The following MYO3B variants were observed in gnomAD, a reference collection of about 807,000 sequenced individuals.
The protein encoded by MYO3B is myosin IIIB.
A neutral mutation model predicts 174.6 loss-of-function variants in MYO3B; 156 were observed. That is an observed-to-expected ratio of 0.89 (90% confidence interval 0.78 to 1.02). The LOEUF (loss-of-function observed/expected upper bound fraction) is 1.02. Among genes scored for constraint, MYO3B ranks in the 50% least tolerant of loss-of-function variants. The pLI is 0.00. For missense variants in MYO3B, 1,632 were observed against 1,639.4 expected (o/e 1.00, Z 0.08); for synonymous variants, 563 against 569.1 (o/e 0.99, Z 0.15).
intron 32 of MYO3B, among the ~76,000 whole-genome samples, chr2:170,580,758 G>GTGTA (rs1693093469): frequency 1.3e-5 from 2 of 150,460 alleles, no homozygotes; most frequent in African/African-American, 4.9e-5. Flanking sequence ...GTGTGTGTGT[G>GTGTA]TATGAAAGCG....
intron 8 of MYO3B, among the ~76,000 whole-genome samples, chr2:170,353,053 T>G (rs2094089351): frequency 6.6e-6 from 1 of 152,240 alleles, no homozygotes; most frequent in African/African-American, 2.4e-5. Context: ...TCGCCCTTTT[T>G]AATATTTACC....
intron 22 of MYO3B, among the ~76,000 whole-genome samples, chr2:170,431,962 G>A (rs2094712707): frequency 6.6e-6 from 1 of 152,208 alleles, no homozygotes; most frequent in Non-Finnish European, 1.5e-5. Flanking sequence ...CCTTTGCAAT[G>A]CATTACTCAG....
At chr2:170,259,656 C>G (rs1205543646) in intron 7 of MYO3B, among the ~76,000 whole-genome samples, 1 of 152,238 alleles carries the variant, frequency 6.6e-6, no homozygotes, top group Non-Finnish European at 1.5e-5. Context: ...GAATTTATGA[C>G]AAAGTCCTCA....
At chr2:170,208,630 G>C (rs1260997931) in intron 3 of MYO3B, among the ~76,000 whole-genome samples, 1 of 152,032 alleles carries the variant, frequency 6.6e-6, no homozygotes, top group Non-Finnish European at 1.5e-5. Flanking sequence ...TAGTCTAAAG[G>C]GTAGGCAAAA....
chr2:170,614,786 A>G (rs954943706), intron 32 of MYO3B, among the ~76,000 whole-genome samples: 11 of 152,164 alleles, frequency 7.2e-5, no homozygotes, highest in Non-Finnish European at 1.2e-4. Flanking sequence ...CCTGACTCTC[A>G]GAGAATTCAC....
intron 28 of MYO3B, among the ~76,000 whole-genome samples, chr2:170,507,157 C>T (rs1162973283): frequency 6.6e-6 from 1 of 152,176 alleles, no homozygotes; most frequent in Admixed American, 6.5e-5. Flanking sequence ...TCCACATATC[C>T]ACAGAATAGC....
Position 170,181,835 on chromosome 2 carries a change from A to G in MYO3B, c.2+3546A>G, listed in dbSNP as rs114621909. Reference sequence around the variant, plus strand: ...GGTAGATTTTGACTAATAATTCCTCACAAAGATTGTTTACGCTTTCGCTCA... The same window carrying G: ...GGTAGATTTTGACTAATAATTCCTCGCAAAGATTGTTTACGCTTTCGCTCA... On this transcript the variant is annotated intron_variant, in intron 1 of 34. Coordinates refer to ENST00000408978, the MANE Select transcript of MYO3B (RefSeq NM_138995.5). Among the ~76,000 whole-genome samples, 469 of 152,260 alleles carry G rather than the reference A, an allele frequency of 3.1e-3. 2 individuals carry two copies. The highest frequency in any genetic ancestry group is 0.01 in the African/African-American group (431 of 41,560).
intron 30 of MYO3B, among the ~76,000 whole-genome samples, chr2:170,526,443 G>A (rs1376742803): frequency 1.3e-5 from 2 of 152,182 alleles, no homozygotes; most frequent in East Asian, 1.9e-4. Flanking sequence ...ACTAAAATAA[G>A]CATTGAGGTT....
Position 170,482,164 on chromosome 2 carries a change from T to G in MYO3B, c.3014+15453T>G, listed in dbSNP as rs1685732904. On this transcript the variant is annotated intron_variant, in intron 25 of 34. Transcript: ENST00000408978. ...TTCCTGCACAAGTTCTCTCTCTTTT[T>G]TTTTTTTTTGAGACAGGGTCTCACT... Among the ~76,000 whole-genome samples, 3 of 151,764 alleles carry G rather than the reference T, an allele frequency of 2.0e-5. No individual in the cohort carries two copies. The South Asian group carries it at 6.2e-4, about 32-fold the overall frequency.
chr2:170,447,721 C>T (rs2105921026), intron 23 of MYO3B, among the ~76,000 whole-genome samples: 1 of 152,310 alleles, frequency 6.6e-6, no homozygotes, highest in South Asian at 2.1e-4. Context: ...GTAATTCACA[C>T]AATGCTGGCT....
At chr2:170,232,457 T>G (rs1202076855) in intron 6 of MYO3B, among the ~76,000 whole-genome samples, 3 of 152,156 alleles carry the variant, frequency 2.0e-5, no homozygotes, top group African/African-American at 7.2e-5. Context: ...GAAGATGGAG[T>G]TGAAATGACA....
intron 25 of MYO3B, among the ~76,000 whole-genome samples, chr2:170,490,617 A>G (rs1386437104): frequency 6.6e-6 from 1 of 152,080 alleles, no homozygotes; most frequent in African/African-American, 2.4e-5. Flanking sequence ...ATTTGTTCCT[A>G]ATCTTAGGAG....
At chr2:170,393,029 C>T (rs991492491) in intron 16 of MYO3B, among the ~76,000 whole-genome samples, 2 of 151,638 alleles carry the variant, frequency 1.3e-5, no homozygotes, top group Non-Finnish European at 2.9e-5. Context: ...CAGTTATTTC[C>T]TTCTCCAGGG....
chr2:170,184,213 A>G (rs1167787800), intron 1 of MYO3B, among the ~76,000 whole-genome samples: 6 of 152,114 alleles, frequency 3.9e-5, no homozygotes, highest in Non-Finnish European at 8.8e-5. Flanking sequence ...ATCTAATTAT[A>G]CTTTTAGTTA....
intron 25 of MYO3B, among the ~76,000 whole-genome samples, chr2:170,497,534 C>T (rs760168059): frequency 2.6e-5 from 4 of 152,024 alleles, no homozygotes; most frequent in Non-Finnish European, 5.9e-5. Flanking sequence ...AGGAGAATGG[C>T]GCAAACCCGG....
chr2:170,274,356 G>T (rs2093447903), intron 7 of MYO3B, among the ~76,000 whole-genome samples: 1 of 152,080 alleles, frequency 6.6e-6, no homozygotes, highest in South Asian at 2.1e-4. Context: ...TTATCCCTTT[G>T]CATCCTTAAA....
chr2:170,477,949 C>A (rs541914939), intron 25 of MYO3B, among the ~76,000 whole-genome samples: 3 of 152,148 alleles, frequency 2.0e-5, no homozygotes, highest in African/African-American at 7.2e-5. Context: ...CCCTTTTGGC[C>A]GGCTTTAGTG....
chr2:170,522,453 G>A (rs1389235218), intron 30 of MYO3B, among the ~76,000 whole-genome samples: 1 of 152,008 alleles, frequency 6.6e-6, no homozygotes, highest in African/African-American at 2.4e-5. Context: ...CTCTTTCCTG[G>A]TCCAGGACTG....
At chr2:170,408,031 C>A (rs1370936) in intron 22 of MYO3B, among the ~76,000 whole-genome samples, 187 bp downstream of exon 22, 41,715 of 152,152 alleles carry the variant, frequency 0.27, 6,404 homozygotes, top group Non-Finnish European at 0.33. Context: ...GTGCAGCATC[C>A]GTGTGTACAC....
Sources: gnomAD v4.1 joint callset for allele counts (sites outside exome capture counted in the v4.1 genomes callset) on GRCh38, gnomAD v4.1.1 for gene constraint, MANE v1.5 for transcripts, NCBI Gene and HGNC (gene_info 2026-07-23, HGNC 2026-07-21) for gene names.